GOSR1: variants seen among roughly 807,000 people sequenced by gnomAD.
The protein encoded by GOSR1 is golgi SNAP receptor complex member 1.
In GOSR1, 21 loss-of-function variants were observed where a neutral mutation model predicts 35.5. The ratio of observed to expected loss-of-function variants is 0.59; its 90% confidence interval spans 0.42 to 0.85. The LOEUF (loss-of-function observed/expected upper bound fraction) is 0.85, where lower values mean the gene tolerates loss of function less well. Among genes scored for constraint, GOSR1 ranks in the 40% least tolerant of loss-of-function variants. The pLI is 0.00. For missense variants in GOSR1, 285 were observed against 309.6 expected (o/e 0.92, Z 0.60); for synonymous variants, 94 against 106.6 (o/e 0.88, Z 0.73).
rs1216836698 is a variant in GOSR1, at chr17:30,523,959, G to C, written c.*1581G>C. ...CTGAAACATGTGCTGTGTCCACTCA[G>C]GGTTAAATGGATTAAGGGTGGTGCA... is the stretch of plus-strand genomic sequence containing the variant. On this transcript the variant is annotated 3_prime_UTR_variant, in exon 9 of 9. Transcript: ENST00000451249. The C allele has an allele frequency of 1.5e-5, 3 of 206,284 alleles. No individual in the cohort carries two copies. Among genetic ancestry groups the C allele is most frequent in the Non-Finnish European group, 2.8e-5 (3 of 106,508 alleles). 12.8% of individuals were successfully genotyped at this position (206,284 alleles called of 1,614,324 possible). A position where few individuals can be genotyped will look rare whatever the true frequency, so the allele number is the denominator to read the frequency against.
At chr17:30,488,325 C>T (rs1425022387) in intron 4 of GOSR1, among the ~76,000 whole-genome samples, 3 of 151,238 alleles carry the variant, frequency 2.0e-5, no homozygotes, top group East Asian at 4.0e-4. Context: ...CCACCATGCC[C>T]GGCTATTTTT....
chr17:30,483,296 G>A (rs1914470923), intron 2 of GOSR1, among the ~76,000 whole-genome samples: 2 of 152,056 alleles, frequency 1.3e-5, no homozygotes, highest in Non-Finnish European at 2.9e-5. Context: ...TGAATACAAT[G>A]AGTATAGAAT....
At chr17:30,486,317 G>A (rs1001759103) in intron 4 of GOSR1, among the ~76,000 whole-genome samples, 2 of 152,096 alleles carry the variant, frequency 1.3e-5, no homozygotes, top group Non-Finnish European at 2.9e-5. Context: ...AGGAGTTGGA[G>A]ACCAGCCTGG....
At chr17:30,481,709 T>C (rs1193695542) in intron 2 of GOSR1, among the ~76,000 whole-genome samples, 1 of 152,242 alleles carries the variant, frequency 6.6e-6, no homozygotes, top group African/African-American at 2.4e-5. Flanking sequence ...TGTTATTAAT[T>C]ATCAAAGCTA....
chr17:30,486,862 G>A (rs953214159), intron 4 of GOSR1, among the ~76,000 whole-genome samples: 12 of 152,146 alleles, frequency 7.9e-5, no homozygotes, highest in Non-Finnish European at 1.8e-4. Flanking sequence ...TTCTGTTTTT[G>A]GATAGGAAGA....
intron 4 of GOSR1, 52 bp from the exon 5 acceptor site, chr17:30,490,074 G>A: frequency 2.4e-6 from 2 of 834,960 alleles, no homozygotes; most frequent in Non-Finnish European, 4.2e-6. Flanking sequence ...GGTTCAGTGA[G>A]ATGAAAATCC....
intron 4 of GOSR1, among the ~76,000 whole-genome samples, chr17:30,489,006 CA>C (rs1391059374): frequency 5.9e-5 from 9 of 151,962 alleles, no homozygotes; most frequent in African/African-American, 2.2e-4. Context: ...TTATGAAGTA[CA>C]AAAAGCAAGG....
At chr17:30,518,623 G>T (rs1967906753) in intron 7 of GOSR1, among the ~76,000 whole-genome samples, 1 of 152,114 alleles carries the variant, frequency 6.6e-6, no homozygotes, top group African/African-American at 2.4e-5. Context: ...TCCTGGAAGT[G>T]ATAGCAAAAT....
chr17:30,492,652 G>A, intron 5 of GOSR1, 27 bp from the exon 6 acceptor site: 5 of 1,357,654 alleles, frequency 3.7e-6, no homozygotes, highest in Non-Finnish European at 5.3e-6. Flanking sequence ...TGCCAAAAAT[G>A]TTTTTAAATT....
intron 6 of GOSR1, among the ~76,000 whole-genome samples, chr17:30,501,748 C>T (rs932695123): frequency 1.3e-4 from 20 of 152,224 alleles, no homozygotes; most frequent in African/African-American, 4.6e-4. Context: ...CCCGCCTTGG[C>T]CTCCCAAAGT....
At chr17:30,507,973 C>G (rs761277564) in intron 6 of GOSR1, among the ~76,000 whole-genome samples, 2 of 152,122 alleles carry the variant, frequency 1.3e-5, no homozygotes, top group Non-Finnish European at 2.9e-5. Context: ...AGGACTGACT[C>G]CAATTTTGAA....
Position 30,522,269 on chromosome 17 carries a change from T to C in GOSR1, c.638T>C (p.Val213Ala). Residue 213 changes from valine (V) to alanine (A), a missense_variant, in exon 9 of 9, where the codon GTA (valine) becomes GCA (alanine). Around this residue, in one of 3 missense-constraint regions of GOSR1, gnomAD observed 168 missense variants for 183.2 expected, o/e 0.92. Transcript: ENST00000451249. ...MNTLANRFPA[V>A]NSLIQRINLR... Reference sequence around the variant, plus strand: ...TTTCCCAAAGATCGTTTTCCTGCTGTAAACAGCCTGATCCAGAGGATCAAC... The same window carrying C: ...TTTCCCAAAGATCGTTTTCCTGCTGCAAACAGCCTGATCCAGAGGATCAAC... The C allele has an allele frequency of 1.2e-6, 2 of 1,605,218 alleles. No homozygotes were observed. The highest frequency in any genetic ancestry group is 1.7e-6 in the Non-Finnish European group (2 of 1,176,566).
At chr17:30,505,957 G>C (rs955236029) in intron 6 of GOSR1, among the ~76,000 whole-genome samples, 3 of 152,018 alleles carry the variant, frequency 2.0e-5, no homozygotes, top group African/African-American at 4.8e-5. Context: ...CAAACACCTG[G>C]GGACTCAAGT....
At chr17:30,499,513 T>C (rs1449711950) in intron 6 of GOSR1, among the ~76,000 whole-genome samples, 1 of 152,184 alleles carries the variant, frequency 6.6e-6, no homozygotes, top group Non-Finnish European at 1.5e-5. Flanking sequence ...AGCTAATTTT[T>C]TGTATTTTTA....
chr17:30,504,285 G>T (rs903838161), intron 6 of GOSR1, among the ~76,000 whole-genome samples: 1 of 152,052 alleles, frequency 6.6e-6, no homozygotes, highest in African/African-American at 2.4e-5. Flanking sequence ...CCTCAACCTC[G>T]CAAAGTGCTG....
At position 30,525,746 on chromosome 17, in the gene GOSR1, G is replaced by C. The variant is rs568638983; in HGVS notation, c.*3368G>C. The C allele has an allele frequency of 6.6e-6, 1 of 152,324 alleles. No homozygotes were observed. The highest frequency in any genetic ancestry group is 2.4e-5 in the African/African-American group (1 of 41,570). The allele number at this position is 152,324 out of a possible 1,614,324, so 9.4% of individuals were successfully genotyped here. On this transcript the variant is annotated 3_prime_UTR_variant, in exon 9 of 9. Transcript: ENST00000451249. ...TCACTGCAGCCAAGCAAACCCTGTT[G>C]ATGGCTGATGGGCCTTTCCATTAGG... is the stretch of plus-strand genomic sequence containing the variant.
intron 5 of GOSR1, 132 bp downstream of exon 5, chr17:30,490,349 T>C: frequency 1.8e-6 from 1 of 556,318 alleles, no homozygotes; most frequent in Non-Finnish European, 3.3e-6. Context: ...CATTTCACTG[T>C]CTTTTTAACA....
rs1312151652 is a variant in GOSR1 at position 30,522,974 on chromosome 17, C to T, written c.*596C>T. 9.5e-6 allele frequency: 2 copies of T among 211,580 alleles called. No homozygotes were observed. Among genetic ancestry groups the T allele is most frequent in the South Asian group, 6.2e-5 (1 of 16,080 alleles). 13.1% of individuals were successfully genotyped at this position (211,580 alleles called of 1,614,324 possible). A position where few individuals can be genotyped will look rare whatever the true frequency, so the allele number is the denominator to read the frequency against. ...GCAATTGCAGGCGAGCGCCGCCACG[C>T]CTGACTGCCTCGGCCTCCCGAGGTG... On this transcript the variant is annotated 3_prime_UTR_variant, in exon 9 of 9. Transcript: ENST00000451249.
chr17:30,493,694 AAG>A (rs1279729693), intron 6 of GOSR1, among the ~76,000 whole-genome samples: 1 of 152,206 alleles, frequency 6.6e-6, no homozygotes, highest in Admixed American at 6.5e-5. Context: ...ACAACACAAA[AAG>A]AAAATTGAAA....
Sources: allele counts gnomAD v4.1 joint callset (sites outside exome capture counted in the v4.1 genomes callset), GRCh38; gene constraint gnomAD v4.1.1; regional missense constraint gnomAD v4.1.1; transcripts MANE v1.5; gene names NCBI Gene and HGNC (gene_info 2026-07-23, HGNC 2026-07-21).